The following AKAP19 variants were observed in gnomAD, a reference collection of about 807,000 sequenced individuals.
The protein encoded by AKAP19 is small A-kinase anchoring protein.
the AKAP19 span, among the ~76,000 whole-genome samples, chr2:189,936,259 TACACACAC>T: frequency 1.3e-5 from 2 of 148,952 alleles, no homozygotes; most frequent in Non-Finnish European, 3.0e-5. Context: ...GACTTGTTGA[TACACACAC>T]ACACACACAC....
At chr2:190,051,812 TTTTTTTA>T in the AKAP19 span, among the ~76,000 whole-genome samples, 1 of 150,474 alleles carries the variant, frequency 6.6e-6, no homozygotes, top group African/African-American at 2.5e-5. Flanking sequence ...CTTTTCTTAT[TTTTTTTA>T]TTTTTTATTT....
At chr2:189,951,631 T>C in the AKAP19 span, among the ~76,000 whole-genome samples, 1 of 152,190 alleles carries the variant, frequency 6.6e-6, no homozygotes, top group East Asian at 1.9e-4. Context: ...GTCAACACAA[T>C]AGCCATTACC....
the AKAP19 span, among the ~76,000 whole-genome samples, chr2:189,893,935 T>C: frequency 2.0e-5 from 3 of 152,184 alleles, no homozygotes; most frequent in Admixed American, 1.3e-4. Context: ...AAGAGATGAC[T>C]GTATATATAA....
At chr2:189,970,980 T>C in the AKAP19 span, among the ~76,000 whole-genome samples, 1 of 152,184 alleles carries the variant, frequency 6.6e-6, no homozygotes, top group Admixed American at 6.5e-5. Context: ...TTTTCTTTTT[T>C]ATTCTCTTTT....
At chr2:189,891,024 T>C in the AKAP19 span, among the ~76,000 whole-genome samples, 1 of 152,094 alleles carries the variant, frequency 6.6e-6, no homozygotes, top group Non-Finnish European at 1.5e-5. Flanking sequence ...GTCTTTCAAG[T>C]TGGTATGTTT....
chr2:189,938,276 C>T, the AKAP19 span, among the ~76,000 whole-genome samples: 141 of 150,476 alleles, frequency 9.4e-4, no homozygotes, highest in Middle Eastern at 3.6e-3. Flanking sequence ...GTAGAGGTTG[C>T]TGTGAGCCGA....
chr2:189,899,051 G>A, the AKAP19 span, among the ~76,000 whole-genome samples: 3 of 152,002 alleles, frequency 2.0e-5, no homozygotes, highest in African/African-American at 7.3e-5. Flanking sequence ...TCCTGCTTCT[G>A]TATACATTCC....
chr2:190,087,885 A>C, the AKAP19 span, among the ~76,000 whole-genome samples: 1 of 152,134 alleles, frequency 6.6e-6, no homozygotes, highest in East Asian at 1.9e-4. Flanking sequence ...TTCCTTCTCC[A>C]GGGCTCCTAC....
the AKAP19 span, among the ~76,000 whole-genome samples, chr2:190,027,865 T>C: frequency 2.6e-5 from 4 of 152,188 alleles, no homozygotes; most frequent in East Asian, 7.7e-4. Flanking sequence ...CATTCTTTCA[T>C]ATACAATTAT....
chr2:189,985,453 G>A, the AKAP19 span, among the ~76,000 whole-genome samples: 1 of 152,196 alleles, frequency 6.6e-6, no homozygotes, highest in African/African-American at 2.4e-5. Flanking sequence ...TGCAGAAGAA[G>A]AGTCAGAGAG....
chr2:190,106,890 T>C, the AKAP19 span, among the ~76,000 whole-genome samples: 3 of 152,206 alleles, frequency 2.0e-5, no homozygotes, highest in Non-Finnish European at 2.9e-5. Flanking sequence ...TAATGTTAAG[T>C]GGTGACCATC....
At chr2:189,995,955 C>T in the AKAP19 span, among the ~76,000 whole-genome samples, 1 of 152,148 alleles carries the variant, frequency 6.6e-6, no homozygotes, top group Non-Finnish European at 1.5e-5. Context: ...GGTTTCTGCT[C>T]AGAAATCTGC....
the AKAP19 span, among the ~76,000 whole-genome samples, chr2:190,156,237 A>T: frequency 1.3e-5 from 2 of 152,158 alleles, no homozygotes; most frequent in African/African-American, 2.4e-5. Flanking sequence ...GGTTATTTTT[A>T]AAATAGTGCT....
the AKAP19 span, among the ~76,000 whole-genome samples, chr2:190,198,973 C>T: frequency 6.6e-6 from 1 of 152,188 alleles, no homozygotes; most frequent in Non-Finnish European, 1.5e-5. Flanking sequence ...ATCTGAGCTT[C>T]TGTACAATTT....
the AKAP19 span, among the ~76,000 whole-genome samples, chr2:190,105,694 A>G: frequency 6.6e-6 from 1 of 152,212 alleles, no homozygotes; most frequent in African/African-American, 2.4e-5. Flanking sequence ...CGATGTCACT[A>G]TGAATTCATT....
At chr2:189,940,428 G>A in the AKAP19 span, among the ~76,000 whole-genome samples, 30 of 118,590 alleles carry the variant, frequency 2.5e-4, no homozygotes, top group South Asian at 2.4e-3. Flanking sequence ...CCTGGGCAAC[G>A]GGGGGGAAAA....
At chr2:190,170,294 CA>C in the AKAP19 span, among the ~76,000 whole-genome samples, 1 of 152,158 alleles carries the variant, frequency 6.6e-6, no homozygotes, top group Non-Finnish European at 1.5e-5. Context: ...AATTTGGGAG[CA>C]GGGGGGAACA....
the AKAP19 span, among the ~76,000 whole-genome samples, chr2:190,182,334 T>G: frequency 6.6e-6 from 1 of 152,160 alleles, no homozygotes; most frequent in Admixed American, 6.5e-5. Flanking sequence ...ATCTGAAACT[T>G]TAGTCAGTCT....
the AKAP19 span, among the ~76,000 whole-genome samples, chr2:190,080,673 T>C: frequency 1.3e-5 from 2 of 152,238 alleles, no homozygotes; most frequent in East Asian, 1.9e-4. Context: ...ATGTCAGGCA[T>C]TGGTCCAGGT....
Sources: gnomAD v4.1 joint callset for allele counts (sites outside exome capture counted in the v4.1 genomes callset) on GRCh38, gnomAD v4.1.1 for gene constraint, MANE v1.5 for transcripts, NCBI Gene and HGNC (gene_info 2026-07-23, HGNC 2026-07-21) for gene names.